ASTN2: variants seen among roughly 807,000 people sequenced by gnomAD.
ASTN2 encodes the protein astrotactin 2.
A neutral mutation model predicts 139.8 loss-of-function variants in ASTN2; 54 were observed. That is an observed-to-expected ratio of 0.39 (90% CI 0.31 to 0.48). The LOEUF (loss-of-function observed/expected upper bound fraction) is 0.48. Among genes scored for constraint, ASTN2 ranks in the 20% least tolerant of loss-of-function variants. The pLI is 0.95. For synonymous variants in ASTN2, 756 were observed against 719.5 expected, an observed-to-expected ratio of 1.05 and a Z score of -0.81; for missense variants, 1,565 against 1,725.1, an observed-to-expected ratio of 0.91 and a Z score of 1.64.
intron 3 of ASTN2, among the ~76,000 whole-genome samples, chr9:117,151,367 G>T (rs937061187): frequency 2.0e-5 from 3 of 152,100 alleles, no homozygotes; most frequent in Non-Finnish European, 4.4e-5. Context: ...AACTCCGTGG[G>T]AGTAGAGCCA....
At chr9:116,572,609 GC>G (rs1389804525) in intron 19 of ASTN2, among the ~76,000 whole-genome samples, 1 of 150,820 alleles carries the variant, frequency 6.6e-6, no homozygotes, top group African/African-American at 2.4e-5. Context: ...TTGGGTCTCA[GC>G]CCCATGGGCA....
At chr9:116,642,146 C>CAAAA (rs59895161) in intron 17 of ASTN2, among the ~76,000 whole-genome samples, 1 of 120,358 alleles carries the variant, frequency 8.3e-6, no homozygotes, top group African/African-American at 3.2e-5. Flanking sequence ...AAAAAAAAAA[C>CAAAA]AAAAAAAAAC....
intron 19 of ASTN2, among the ~76,000 whole-genome samples, chr9:116,501,716 G>A (rs375585465): frequency 6.6e-5 from 10 of 151,950 alleles, no homozygotes; most frequent in Non-Finnish European, 1.3e-4. Context: ...GTGGGGGCAG[G>A]GGGGAGGGAT....
chr9:116,896,976 G>C (rs1010927648), intron 10 of ASTN2, among the ~76,000 whole-genome samples: 1 of 152,148 alleles, frequency 6.6e-6, no homozygotes, highest in African/African-American at 2.4e-5. Context: ...ACTCGATCTC[G>C]TTATGGTCTC....
chr9:117,238,091 C>A (rs1038513791), intron 2 of ASTN2, among the ~76,000 whole-genome samples: 1 of 152,122 alleles, frequency 6.6e-6, no homozygotes, highest in Non-Finnish European at 1.5e-5. Context: ...CAACCTGGCT[C>A]CCTAGAAGGA....
intron 2 of ASTN2, among the ~76,000 whole-genome samples, chr9:117,217,228 A>C (rs1832353267): frequency 2.0e-5 from 3 of 152,230 alleles, no homozygotes; most frequent in Admixed American, 2.0e-4. Context: ...TCTTCAGAGA[A>C]GATTTTCATT....
chr9:117,209,551 T>G (rs1022530665), intron 3 of ASTN2, among the ~76,000 whole-genome samples: 2 of 152,030 alleles, frequency 1.3e-5, no homozygotes, highest in African/African-American at 4.8e-5. Flanking sequence ...TCCTGATACA[T>G]AAAGTAAATA....
chr9:116,781,802 A>G (rs143233536), intron 13 of ASTN2, among the ~76,000 whole-genome samples: 26 of 152,160 alleles, frequency 1.7e-4, no homozygotes, highest in African/African-American at 6.3e-4. Context: ...AGGGCCAGAT[A>G]CCTGCAGTTC....
At chr9:116,503,744 C>T (rs1057156470) in intron 19 of ASTN2, among the ~76,000 whole-genome samples, 3 of 152,040 alleles carry the variant, frequency 2.0e-5, no homozygotes, top group African/African-American at 4.8e-5. Flanking sequence ...TGAGTGTGTT[C>T]GTGTGGTGTA....
At chr9:116,980,133 T>C (rs1467406208) in intron 7 of ASTN2, among the ~76,000 whole-genome samples, 1 of 152,196 alleles carries the variant, frequency 6.6e-6, no homozygotes, top group Non-Finnish European at 1.5e-5. Flanking sequence ...CCCATCCTCT[T>C]GTTCTCTCCC....
intron 6 of ASTN2, among the ~76,000 whole-genome samples, chr9:117,016,813 T>TTTTATATATATA (rs1554769653): frequency 2.2e-5 from 2 of 92,580 alleles, no homozygotes; most frequent in South Asian, 2.8e-4. Context: ...TATATATGTT[T>TTTTATATATATA]TATATATATA....
chr9:116,817,889 A>C (rs540728862), intron 12 of ASTN2, among the ~76,000 whole-genome samples: 85 of 152,300 alleles, frequency 5.6e-4, no homozygotes, highest in African/African-American at 2.0e-3. Context: ...AGAGAAATTG[A>C]GTGGCTTGCC....
Position 116,563,796 on chromosome 9 carries a change from T to C in ASTN2, c.3355+54528A>G, listed in dbSNP as rs185999240. Among the ~76,000 whole-genome samples the C allele has an allele frequency of 5.9e-4, 90 of 152,344 alleles. 2 individuals carry two copies. Among genetic ancestry groups the C allele is most frequent in the African/African-American group, 1.7e-3 (69 of 41,574 alleles). ...CTTTTAGAGCTGAGTGAATGGTGTCTCTGGATTGCATCTGCAACCTGACGT... is the reference window on the plus strand; with the variant it reads ...CTTTTAGAGCTGAGTGAATGGTGTCCCTGGATTGCATCTGCAACCTGACGT... On this transcript the variant is annotated intron_variant, in intron 19 of 22. Coordinates refer to ENST00000313400, the MANE Select transcript of ASTN2 (RefSeq NM_001365068.1).
chr9:116,481,788 C>T (rs1402892976), intron 20 of ASTN2, among the ~76,000 whole-genome samples: 5 of 152,124 alleles, frequency 3.3e-5, no homozygotes, highest in Admixed American at 2.6e-4. Context: ...AGTCTTCGGC[C>T]CCCAAGCCTA....
In ASTN2 at chr9:116,948,785, G is replaced by GGTT. The variant is rs1835470645; in HGVS notation, c.1889+26422_1889+26423insAAC. ...AGAGAGAGGAGAGAAATAATTTGGTGTTTTTTTTTTTTTTTTTTTTTTTTT... is the reference window on the plus strand; with the variant it reads ...AGAGAGAGGAGAGAAATAATTTGGTGGTTTTTTTTTTTTTTTTTTTTTTTTTTT... On this transcript the variant is annotated intron_variant, in intron 10 of 22. Coordinates refer to ENST00000313400, the MANE Select transcript of ASTN2 (RefSeq NM_001365068.1). Among the ~76,000 whole-genome samples the GGTT allele has an allele frequency of 2.0e-4, 10 of 49,472 alleles. 1 individual carries two copies. Among genetic ancestry groups the GGTT allele is most frequent in the African/African-American group, 2.6e-4 (3 of 11,590 alleles). The allele number at this position is 49,472 out of a possible 152,430, so 32.5% of individuals were successfully genotyped here.
chr9:117,393,603 C>T (rs1447187490), intron 1 of ASTN2, among the ~76,000 whole-genome samples: 1 of 152,162 alleles, frequency 6.6e-6, no homozygotes, highest in Non-Finnish European at 1.5e-5. Context: ...GGAGTTCTCT[C>T]TGGAAGAAAC....
At position 116,425,333 on chromosome 9, in the gene ASTN2, C is replaced by CA. The variant is rs1400650808; in HGVS notation, c.*517dup. 1 of 531,922 alleles carries CA rather than the reference C, an allele frequency of 1.9e-6. No individual in the cohort carries two copies. Among genetic ancestry groups the CA allele is most frequent in the Non-Finnish European group, 3.4e-6 (1 of 298,314 alleles). The allele number at this position is 531,922 out of a possible 1,614,324, so 33.0% of individuals were successfully genotyped here. A position where few individuals can be genotyped will look rare whatever the true frequency, so the allele number is the denominator to read the frequency against. ...GTCCCACAAACTCAATAATGTCCAG[C>CA]AAAAAAGAGAGAGAAGTCCTTAAAG... On this transcript the variant is annotated 3_prime_UTR_variant, in exon 23 of 23. Coordinates refer to ENST00000313400, the MANE Select transcript of ASTN2 (RefSeq NM_001365068.1).
Position 117,291,532 on chromosome 9 carries a change from G to C in ASTN2, c.443-19C>G. 1 of 1,575,404 alleles carries C rather than the reference G, an allele frequency of 6.3e-7. No homozygotes were observed. The highest frequency in any genetic ancestry group is 8.6e-7 in the Non-Finnish European group (1 of 1,158,454). ...GACATCTCTGCAAGACAAGACCCGA[G>C]GCACTGGGTGAGCCGTACGCCTGGC... On this transcript the variant is annotated intron_variant, in intron 1 of 22. Transcript: ENST00000313400.
At chr9:116,551,986 C>G (rs1852369878) in intron 19 of ASTN2, 1 of 152,044 alleles carries the variant, frequency 6.6e-6, no homozygotes, top group Admixed American at 6.6e-5. Flanking sequence ...CTGAAGTAGC[C>G]TGCCACATAT....
Sources: allele counts gnomAD v4.1 joint callset (sites outside exome capture counted in the v4.1 genomes callset), GRCh38; gene constraint gnomAD v4.1.1; transcripts MANE v1.5; gene names NCBI Gene and HGNC (gene_info 2026-07-23, HGNC 2026-07-21).